Variants in WWP2 observed in about 807,000 individuals in gnomAD.
WWP2 encodes the protein NEDD4-like E3 ubiquitin-protein ligase WWP2.
In WWP2, 57 loss-of-function variants were observed where a neutral mutation model predicts 121.0. That is an observed-to-expected ratio of 0.47 (90% CI 0.38 to 0.59). WWP2 has a LOEUF of 0.59. Ranked by LOEUF, WWP2 falls within the 20% of genes least tolerant of loss-of-function variation. The pLI, the probability that WWP2 is intolerant of heterozygous loss-of-function variation, is 0.00. For synonymous variants in WWP2, 449 were observed against 441.3 expected (o/e 1.02, Z -0.22); for missense variants, 962 against 1,158.9 (o/e 0.83, Z 2.47).
intron 4 of WWP2, among the ~76,000 whole-genome samples, chr16:69,826,341 G>A (rs935566621): frequency 6.6e-6 from 1 of 151,446 alleles, no homozygotes; most frequent in African/African-American, 2.4e-5. Flanking sequence ...GCCGAGGCAG[G>A]CAGATCACAA....
chr16:69,938,881 A>C, intron 21 of WWP2, 146 bp from the exon 22 acceptor site: 1 of 657,786 alleles, frequency 1.5e-6, no homozygotes, highest in Non-Finnish European at 2.7e-6. Flanking sequence ...GGGGTTTCTC[A>C]GGTTGGAGGC....
At chr16:69,858,143 A>AAAGTT (rs1254927606) in intron 6 of WWP2, among the ~76,000 whole-genome samples, 16 of 152,228 alleles carry the variant, frequency 1.1e-4, no homozygotes, top group African/African-American at 3.6e-4. Context: ...TCTTTTAAAT[A>AAAGTT]AAGTTATACA....
At position 69,888,077 on chromosome 16, in the gene WWP2, C is replaced by A; in HGVS notation, c.742C>A (p.Pro248Thr). The change falls in exon 8 of 24, where the codon CCT becomes ACT. Residue 248 changes from proline (P) to threonine (T), a missense_variant. Physicochemically the swap from Pro to Thr is conservative, Grantham distance 38 (BLOSUM62 -1). Transcript: ENST00000359154. ...EPTTATDPEE[P>T]SVVGVTSPPA... Reference sequence around the variant, plus strand: ...CACAACAGCCACTGATCCCGAAGAACCTTCCGTTGTTGGTGTGACGTCCCC... The same window carrying A: ...CACAACAGCCACTGATCCCGAAGAAACTTCCGTTGTTGGTGTGACGTCCCC... 6.2e-7 allele frequency: 1 copy of A among 1,614,198 alleles called. No homozygotes were observed. Among genetic ancestry groups the A allele is most frequent in the Middle Eastern group, 1.6e-4 (1 of 6,062 alleles).
chr16:69,939,751 GCCCTGT>G (rs1567450167), intron 23 of WWP2, 84 bp from the exon 24 acceptor site: 2 of 1,206,000 alleles, frequency 1.7e-6, no homozygotes, highest in African/African-American at 3.0e-5. Context: ...TGTGGTGCAA[GCCCTGT>G]GGCCCTGCTG....
intron 23 of WWP2, 139 bp from the exon 24 acceptor site, chr16:69,939,702 A>T: frequency 2.7e-6 from 2 of 753,238 alleles, no homozygotes; most frequent in Non-Finnish European, 4.0e-6. Context: ...GGCACCTGCA[A>T]TGTGAAGGCC....
chr16:69,842,128 C>T lies in WWP2; in HGVS notation c.575+8C>T. On this transcript the variant is annotated splice_region_variant and intron_variant, in intron 6 of 23. Coordinates refer to ENST00000359154, the MANE Select transcript of WWP2 (RefSeq NM_001270454.2). The stretch of plus-strand genomic sequence containing the variant: ...CTTTGGTGGAAGATCCCGGTAAGAC[C>T]CCCCTTGGTGAGGACAAAGAGCTAA... 3 of 1,610,922 alleles carry T rather than the reference C, an allele frequency of 1.9e-6. No homozygotes were observed. The highest frequency in any genetic ancestry group is 2.5e-6 in the Non-Finnish European group (3 of 1,178,518).
chr16:69,824,395 G>C (rs2056646109), intron 4 of WWP2, among the ~76,000 whole-genome samples: 1 of 152,090 alleles, frequency 6.6e-6, no homozygotes, highest in African/African-American at 2.4e-5. Flanking sequence ...GCCACTATTA[G>C]GTACAGAGTG....
intron 1 of WWP2, among the ~76,000 whole-genome samples, chr16:69,770,435 TC>T (rs1402073170): frequency 1.3e-5 from 2 of 152,132 alleles, no homozygotes; most frequent in African/African-American, 4.8e-5. Context: ...ACGTGGAGGT[TC>T]TTGGAGGATG....
intron 6 of WWP2, among the ~76,000 whole-genome samples, chr16:69,864,724 ATT>A (rs1255768791): frequency 2.9e-5 from 4 of 137,722 alleles, no homozygotes; most frequent in African/African-American, 8.0e-5. Context: ...GAATTTTTGC[ATT>A]TTTTTTTTTT....
At chr16:69,790,011 G>A (rs1234126110) in intron 2 of WWP2, among the ~76,000 whole-genome samples, 1 of 152,230 alleles carries the variant, frequency 6.6e-6, no homozygotes, top group East Asian at 1.9e-4. Flanking sequence ...GAGAGGCTGA[G>A]GCAGACAGAT....
chr16:69,866,140 C>T (rs1337348840), intron 6 of WWP2, among the ~76,000 whole-genome samples: 1 of 151,984 alleles, frequency 6.6e-6, no homozygotes, highest in African/African-American at 2.4e-5. Flanking sequence ...GGTTGAGGAG[C>T]TTAGGATTTT....
At chr16:69,778,730 C>T (rs929175181) in intron 1 of WWP2, among the ~76,000 whole-genome samples, 2 of 151,604 alleles carry the variant, frequency 1.3e-5, no homozygotes, top group Non-Finnish European at 2.9e-5. Context: ...CAACGTCCAC[C>T]TCCCGGGTTC....
intron 8 of WWP2, among the ~76,000 whole-genome samples, chr16:69,889,877 C>T (rs932297586): frequency 6.6e-6 from 1 of 152,196 alleles, no homozygotes; most frequent in African/African-American, 2.4e-5. Context: ...AGGCCTCTTA[C>T]TTGACTACAA....
chr16:69,867,096 G>T (rs551234226), intron 6 of WWP2, among the ~76,000 whole-genome samples: 4 of 150,488 alleles, frequency 2.7e-5, no homozygotes, highest in Admixed American at 2.0e-4. Context: ...TCAGCCTCCT[G>T]AAGTGCTGGG....
chr16:69,816,301 A>C (rs535730718), intron 4 of WWP2, among the ~76,000 whole-genome samples: 1 of 152,034 alleles, frequency 6.6e-6, no homozygotes, highest in Non-Finnish European at 1.5e-5. Context: ...ATAATTACTT[A>C]GCCCAGTGCA....
chr16:69,813,298 G>A (rs2056430021), intron 4 of WWP2, among the ~76,000 whole-genome samples: 1 of 152,064 alleles, frequency 6.6e-6, no homozygotes, highest in African/African-American at 2.4e-5. Context: ...GAGTAGCTGG[G>A]ATTACAGGCA....
chr16:69,905,045 T>G, intron 8 of WWP2, among the ~76,000 whole-genome samples: 1 of 152,190 alleles, frequency 6.6e-6, no homozygotes, highest in Non-Finnish European at 1.5e-5. Flanking sequence ...AGGCAGCTGA[T>G]CAGACCACGC....
intron 4 of WWP2, among the ~76,000 whole-genome samples, chr16:69,823,840 G>A (rs1308913434): frequency 6.6e-6 from 1 of 152,178 alleles, no homozygotes; most frequent in Non-Finnish European, 1.5e-5. Context: ...CATTAGTGTA[G>A]GGTTATATTT....
At chr16:69,834,520 A>AT (rs1016201482) in intron 4 of WWP2, among the ~76,000 whole-genome samples, 1 of 146,266 alleles carries the variant, frequency 6.8e-6, no homozygotes, top group African/African-American at 2.5e-5. Context: ...TCATTAAAAA[A>AT]TTTTTTTTTA....
Sources: allele counts gnomAD v4.1 joint callset (sites outside exome capture counted in the v4.1 genomes callset), GRCh38; gene constraint gnomAD v4.1.1; transcripts MANE v1.5; gene names NCBI Gene and HGNC (gene_info 2026-07-23, HGNC 2026-07-21).